The following HMGCLL1 variants were observed in gnomAD, a reference collection of about 807,000 sequenced individuals.
HMGCLL1 encodes the protein 3-hydroxy-3-methylglutaryl-CoA lyase like 1.
Under a neutral mutation model 39.1 loss-of-function variants are expected in HMGCLL1, and 36 were observed. That is an observed-to-expected ratio of 0.92 (90% CI 0.71 to 1.22). The LOEUF is 1.22. Among genes scored for constraint, HMGCLL1 ranks in the 50% most tolerant of loss-of-function variants. The probability of loss-of-function intolerance (pLI) is 0.00; values close to 1 mark genes in which losing one functional copy is unlikely to be tolerated. For missense variants in HMGCLL1, 451 were observed against 416.5 expected (o/e 1.08, Z -0.72); for synonymous variants, 149 against 144.0 (o/e 1.03, Z -0.25).
the HMGCLL1 span, among the ~76,000 whole-genome samples, chr6:55,672,731 A>T: frequency 3.0e-4 from 46 of 152,066 alleles, no homozygotes; most frequent in African/African-American, 1.1e-3. Flanking sequence ...ATTGCAAAAT[A>T]CTATAATAAT....
chr6:55,542,072 C>T lies in HMGCLL1; in HGVS notation c.177G>A (p.Leu59=). 6.2e-7 allele frequency: 1 copy of T among 1,602,304 alleles called. No homozygotes were observed. The highest frequency in any genetic ancestry group is 1.3e-5 in the African/African-American group (1 of 74,696). Residue 59 remains leucine (L), a synonymous_variant, in exon 2 of 9, where the codon TTG becomes TTA. Coordinates refer to ENST00000274901, the MANE Select transcript of HMGCLL1 (RefSeq NM_001042406.2). ...GATGTAAAACTACCTTTTCATTCTG[C>T]AATCCATCCCTAGGCCCAACTTCTA... The part of the protein sequence containing the change: ...KIVEVGPRDG[L]QNEKVIVPTD...
At position 55,499,297 on chromosome 6, in the gene HMGCLL1, T is replaced by C; in HGVS notation, c.545A>G (p.Tyr182Cys). The change falls in exon 6 of 9, where the codon TAT (tyrosine) becomes TGT (cysteine). Residue 182 changes from tyrosine to cysteine, a missense_variant and splice_region_variant. By Grantham distance (194) the Tyr-to-Cys change is radical. Coordinates refer to ENST00000274901, the MANE Select transcript of HMGCLL1 (RefSeq NM_001042406.2). ...ARHMNIPARGYVSCALGCPYE... is the reference protein window; with the variant it reads ...ARHMNIPARGCVSCALGCPYE... ...TGGACAGCCCAGAGCACAAGACACATACCTAAATTAAAAATACAGCCTTAT... is the reference window on the plus strand; with the variant it reads ...TGGACAGCCCAGAGCACAAGACACACACCTAAATTAAAAATACAGCCTTAT... The C allele has an allele frequency of 1.3e-6, 2 of 1,593,914 alleles. No individual in the cohort carries two copies. Among genetic ancestry groups the C allele is most frequent in the African/African-American group, 1.3e-5 (1 of 74,148 alleles).
intron 1 of HMGCLL1, among the ~76,000 whole-genome samples, chr6:55,549,048 TAATA>T (rs1770157277): frequency 6.6e-6 from 1 of 151,636 alleles, no homozygotes; most frequent in South Asian, 2.1e-4. Flanking sequence ...TTATTTATTT[TAATA>T]AATAAAATTA....
the HMGCLL1 span, among the ~76,000 whole-genome samples, chr6:55,660,089 A>G: frequency 6.6e-6 from 1 of 151,774 alleles, no homozygotes; most frequent in African/African-American, 2.4e-5. Context: ...TCAACTCAAT[A>G]ATTGGTTTGT....
intron 3 of HMGCLL1, 35 bp downstream of exon 3, chr6:55,541,693 AT>A: frequency 9.5e-7 from 1 of 1,048,936 alleles, no homozygotes; most frequent in South Asian, 1.4e-5. Context: ...GTGAAGTTGA[AT>A]TAGGATCTAA....
chr6:55,648,359 T>G, the HMGCLL1 span, among the ~76,000 whole-genome samples: 34 of 144,888 alleles, frequency 2.3e-4, no homozygotes, highest in African/African-American at 8.8e-4. Context: ...AAGAAATAAC[T>G]AAAATCAGAG....
At chr6:55,581,046 G>A (rs540352886), upstream of HMGCLL1, among the ~76,000 whole-genome samples, 1 of 152,148 alleles carries the variant, frequency 6.6e-6, no homozygotes, top group African/African-American at 2.4e-5. Context: ...ATTTAACAAG[G>A]CAACCTTCAT....
chr6:55,462,802 T>C (rs896244531), intron 7 of HMGCLL1, among the ~76,000 whole-genome samples: 2 of 152,160 alleles, frequency 1.3e-5, no homozygotes, highest in Non-Finnish European at 2.9e-5. Flanking sequence ...AGGTAGTATA[T>C]TGCTGCTATA....
chr6:55,634,101 C>T, the HMGCLL1 span, among the ~76,000 whole-genome samples: 2 of 151,690 alleles, frequency 1.3e-5, no homozygotes, highest in Non-Finnish European at 2.9e-5. Context: ...ATGCAAGCCT[C>T]ATCCTCAGTG....
At position 55,572,465 on chromosome 6, in the gene HMGCLL1, T is replaced by C. The variant is rs184847518; in HGVS notation, c.108+6483A>G. 1.9e-3 allele frequency among the ~76,000 whole-genome samples: 285 copies of C among 152,168 alleles called. 2 individuals are homozygous for C. Among genetic ancestry groups the C allele is most frequent in the East Asian group, 5.0e-3 (26 of 5,182 alleles). ...TTCTTCAAAGAGCAGATACTAAAAT[T>C]GGACATAATATTACTTTTAACATTA... On this transcript the variant is annotated intron_variant, in intron 1 of 8. Coordinates refer to ENST00000274901, the MANE Select transcript of HMGCLL1 (RefSeq NM_001042406.2).
intron 3 of HMGCLL1, among the ~76,000 whole-genome samples, chr6:55,518,816 G>A (rs1256303654): frequency 6.6e-6 from 1 of 152,252 alleles, no homozygotes; most frequent in Non-Finnish European, 1.5e-5. Context: ...ATCCAGCTGA[G>A]GCCCTAGACA....
At chr6:55,621,294 C>T in the HMGCLL1 span, among the ~76,000 whole-genome samples, 1 of 152,036 alleles carries the variant, frequency 6.6e-6, no homozygotes, top group Non-Finnish European at 1.5e-5. Context: ...TTTTCAGTTT[C>T]TTGCATGACT....
chr6:55,454,561 C>T (rs1466578321), intron 7 of HMGCLL1, among the ~76,000 whole-genome samples: 3 of 152,182 alleles, frequency 2.0e-5, no homozygotes, highest in Non-Finnish European at 4.4e-5. Context: ...GAACTAAAAT[C>T]ATGACCAGGA....
chr6:55,496,043 A>G (rs1766558312), intron 6 of HMGCLL1, among the ~76,000 whole-genome samples: 1 of 152,132 alleles, frequency 6.6e-6, no homozygotes, highest in Non-Finnish European at 1.5e-5. Context: ...TAAAAATGTG[A>G]AATTTACAAA....
intron 7 of HMGCLL1, among the ~76,000 whole-genome samples, chr6:55,467,006 A>G (rs1764822679): frequency 6.6e-6 from 1 of 152,158 alleles, no homozygotes; most frequent in South Asian, 2.1e-4. Context: ...TGTTTAAGTT[A>G]CCATTATCTT....
chr6:55,662,388 C>T, the HMGCLL1 span, among the ~76,000 whole-genome samples: 1 of 151,652 alleles, frequency 6.6e-6, no homozygotes, highest in African/African-American at 2.4e-5. Context: ...GAGTTTTTAA[C>T]AAGAGGGCTG....
the HMGCLL1 span, among the ~76,000 whole-genome samples, chr6:55,650,129 A>ATATT: frequency 1.3e-5 from 1 of 74,792 alleles, no homozygotes; most frequent in Non-Finnish European, 2.5e-5. Flanking sequence ...ATATATATAT[A>ATATT]TATATACACA....
chr6:55,626,116 C>A, the HMGCLL1 span, among the ~76,000 whole-genome samples: 12 of 152,224 alleles, frequency 7.9e-5, no homozygotes, highest in East Asian at 2.3e-3. Context: ...GATATGACAC[C>A]ATTCCTTGGG....
chr6:55,597,020 A>G, the HMGCLL1 span, among the ~76,000 whole-genome samples: 2 of 143,826 alleles, frequency 1.4e-5, no homozygotes, highest in African/African-American at 5.0e-5. Flanking sequence ...AAAGTAAAAT[A>G]TAATGCACAA....
Sources: allele counts gnomAD v4.1 joint callset (sites outside exome capture counted in the v4.1 genomes callset), GRCh38; gene constraint gnomAD v4.1.1; transcripts MANE v1.5; gene names NCBI Gene and HGNC (gene_info 2026-07-23, HGNC 2026-07-21).